The following NEK1 variants were observed in gnomAD, a reference collection of about 807,000 sequenced individuals.
NEK1 encodes the protein NIMA related kinase 1.
Under a neutral mutation model 182.1 loss-of-function variants are expected in NEK1, and 137 were observed. That is an observed-to-expected ratio of 0.75 (90% CI 0.65 to 0.87). The LOEUF (loss-of-function observed/expected upper bound fraction) is 0.87, where lower values mean the gene tolerates loss of function less well. Ranked by LOEUF, NEK1 falls within the 40% of genes least tolerant of loss-of-function variation. NEK1 has a pLI of 0.00. For missense variants in NEK1, 1,391 were observed against 1,494.4 expected, an observed-to-expected ratio of 0.93 and a Z score of 1.14; for synonymous variants, 513 against 492.2, an observed-to-expected ratio of 1.04 and a Z score of -0.56.
At chr4:169,476,324 C>A (rs1025032418) in intron 26 of NEK1, among the ~76,000 whole-genome samples, 1 of 152,070 alleles carries the variant, frequency 6.6e-6, no homozygotes, top group Admixed American at 6.6e-5. Flanking sequence ...TTATTCCTAG[C>A]ACAGTATTTA....
At chr4:169,594,729 T>C (rs1769141083) in intron 5 of NEK1, among the ~76,000 whole-genome samples, 1 of 152,238 alleles carries the variant, frequency 6.6e-6, no homozygotes, top group Non-Finnish European at 1.5e-5. Flanking sequence ...AACACTGCTA[T>C]ACAACATGCC....
chr4:169,571,680 G>C (rs1437856074), intron 12 of NEK1, among the ~76,000 whole-genome samples: 2 of 152,066 alleles, frequency 1.3e-5, no homozygotes, highest in Non-Finnish European at 2.9e-5. Flanking sequence ...AATGAGACTT[G>C]GAAAGGTAAT....
chr4:169,446,420 T>C (rs1046374573), intron 27 of NEK1, among the ~76,000 whole-genome samples: 1 of 152,106 alleles, frequency 6.6e-6, no homozygotes, highest in African/African-American at 2.4e-5. Context: ...TTGGAAAACC[T>C]AGAGGTAATA....
At chr4:169,525,364 A>G (rs1269653101) in intron 19 of NEK1, among the ~76,000 whole-genome samples, 1 of 152,284 alleles carries the variant, frequency 6.6e-6, no homozygotes, top group Non-Finnish European at 1.5e-5. Flanking sequence ...TCCTGACCTC[A>G]GGTGATCTGC....
chr4:169,561,973 C>T, intron 13 of NEK1, 82 bp from the exon 14 acceptor site: 2 of 1,218,156 alleles, frequency 1.6e-6, no homozygotes, highest in Admixed American at 4.9e-5. Flanking sequence ...ACACCAATGG[C>T]AGAGGTATGT....
chr4:169,452,850 G>A (rs879427566), intron 27 of NEK1, among the ~76,000 whole-genome samples: 2 of 152,102 alleles, frequency 1.3e-5, no homozygotes, highest in African/African-American at 2.4e-5. Context: ...AGAGTATTCA[G>A]TTAGGAAAAG....
intron 16 of NEK1, among the ~76,000 whole-genome samples, chr4:169,557,118 G>A (rs6822970): frequency 6.6e-6 from 1 of 151,940 alleles, no homozygotes; most frequent in Non-Finnish European, 1.5e-5. Flanking sequence ...ATTATGCATG[G>A]TAAGCAGAAA....
At chr4:169,596,139 G>A (rs574983136) in intron 5 of NEK1, among the ~76,000 whole-genome samples, 1 of 152,196 alleles carries the variant, frequency 6.6e-6, no homozygotes, top group East Asian at 1.9e-4. Context: ...GGTAGAGAAT[G>A]TATCGGGCTC....
rs1027789916 is a variant in NEK1 at position 169,612,405 on chromosome 4, C to T, written c.-356G>A. On this transcript the variant is annotated 5_prime_UTR_variant, in exon 1 of 36. Transcript: ENST00000507142. ...CTCTCCAACTTCACAGAGGTCGTTG[C>T]TAGTGGCCACGGCGGGGTGGGGACG... is the stretch of plus-strand genomic sequence containing the variant. The T allele has an allele frequency of 6.6e-6, 1 of 152,306 alleles. No individual in the cohort carries two copies. Among genetic ancestry groups the T allele is most frequent in the African/African-American group, 2.4e-5 (1 of 41,434 alleles). 9.4% of individuals were successfully genotyped at this position (152,306 alleles called of 1,614,324 possible).
intron 19 of NEK1, among the ~76,000 whole-genome samples, chr4:169,529,110 T>C (rs924027361): frequency 4.6e-5 from 7 of 152,166 alleles, no homozygotes; most frequent in Admixed American, 4.6e-4. Context: ...TTGTAGAATA[T>C]GGCTACAGCA....
chr4:169,399,544 T>G (rs1189447448), intron 35 of NEK1, among the ~76,000 whole-genome samples: 3 of 151,318 alleles, frequency 2.0e-5, no homozygotes, highest in Non-Finnish European at 4.4e-5. Flanking sequence ...GACACTGCAC[T>G]CCAGCCTGGG....
Position 169,587,579 on chromosome 4 carries a change from G to T in NEK1, c.586C>A (p.Leu196Met). 6.5e-7 allele frequency: 1 copy of T among 1,547,942 alleles called. No individual in the cohort carries two copies. Among genetic ancestry groups the T allele is most frequent in the Non-Finnish European group, 8.8e-7 (1 of 1,142,372 alleles). The change falls in exon 9 of 36, where the codon CTG becomes ATG. Residue 196 changes from leucine to methionine, a missense_variant. Transcript: ENST00000507142. ...CTTACAGCATGTTTAAGTGTACACA[G>T]CTCATAAAGGACACACCCCAGAGCC... ...IWALGCVLYE[L>M]CTLKHAFEAG... is the part of the protein sequence containing the mutation.
At chr4:169,574,337 C>T (rs1332376220) in intron 12 of NEK1, among the ~76,000 whole-genome samples, 14 of 151,938 alleles carry the variant, frequency 9.2e-5, no homozygotes, top group Non-Finnish European at 1.6e-4. Flanking sequence ...GGCTCATGCC[C>T]GTAATCCCAG....
At position 169,424,543 on chromosome 4, in the gene NEK1, C is replaced by G; in HGVS notation, c.3222+10G>C. 1 of 1,567,428 alleles carries G rather than the reference C, an allele frequency of 6.4e-7. No homozygotes were observed. Among genetic ancestry groups the G allele is most frequent in the Non-Finnish European group, 8.7e-7 (1 of 1,153,276 alleles). On this transcript the variant is annotated intron_variant, in intron 31 of 35. Coordinates refer to ENST00000507142, the MANE Select transcript of NEK1 (RefSeq NM_001199397.3). ...ATGGATAATATTTTCCACTTGAGGA[C>G]CATACTTGCCTTTGGGTTGTTTGCA...
intron 31 of NEK1, among the ~76,000 whole-genome samples, chr4:169,414,604 C>T (rs1734214377): frequency 6.6e-6 from 1 of 152,178 alleles, no homozygotes; most frequent in Non-Finnish European, 1.5e-5. Flanking sequence ...ATTAGGTCAA[C>T]TGTGATCTGT....
rs1756425357 is a variant in NEK1, at chr4:169,523,526, G to A, written c.1665+14283C>T. Among the ~76,000 whole-genome samples the A allele has an allele frequency of 2.0e-5, 3 of 152,304 alleles. No homozygotes were observed. In the South Asian group the frequency reaches 6.2e-4, roughly 32 times the overall value. On this transcript the variant is annotated intron_variant, in intron 19 of 35. Transcript: ENST00000507142. The stretch of plus-strand genomic sequence containing the variant: ...CCAATAACCAAAAGGTAGGAAGGAG[G>A]CATGGAACAGATTCTCCCTCAAAGC...
chr4:169,527,768 A>C (rs1757096652), intron 19 of NEK1, among the ~76,000 whole-genome samples: 1 of 152,178 alleles, frequency 6.6e-6, no homozygotes, highest in South Asian at 2.1e-4. Flanking sequence ...CATAGGGTAT[A>C]AACACAAAAC....
chr4:169,479,611 A>C (rs1170947500), intron 23 of NEK1, 77 bp from the exon 24 acceptor site: 11 of 1,193,254 alleles, frequency 9.2e-6, no homozygotes, highest in Non-Finnish European at 1.3e-5. Flanking sequence ...CTACCAGATC[A>C]CTATTTATCC....
chr4:169,550,558 T>A (rs1177336199), intron 18 of NEK1, among the ~76,000 whole-genome samples: 1 of 152,158 alleles, frequency 6.6e-6, no homozygotes, highest in Non-Finnish European at 1.5e-5. Flanking sequence ...AAATAATAAT[T>A]CCTGCCTCAC....
Sources: allele counts gnomAD v4.1 joint callset (sites outside exome capture counted in the v4.1 genomes callset), GRCh38; gene constraint gnomAD v4.1.1; transcripts MANE v1.5; gene names NCBI Gene and HGNC (gene_info 2026-07-23, HGNC 2026-07-21).